PLSCR2: variants seen among roughly 807,000 people sequenced by gnomAD.
The protein encoded by PLSCR2 is PL scramblase 2.
In PLSCR2, 18 loss-of-function variants were observed where a neutral mutation model predicts 25.3. The observed-to-expected ratio is 0.71, with a 90% CI of 0.49 to 1.06. PLSCR2 has a LOEUF of 1.06. Among genes scored for constraint, PLSCR2 ranks in the 50% least tolerant of loss-of-function variants. The pLI is 0.00. For synonymous variants in PLSCR2, 88 were observed against 87.3 expected (o/e 1.01, Z -0.04); for missense variants, 243 against 269.5 (o/e 0.90, Z 0.69).
chr3:146,398,212 T>C (rs539083034), intron 2 of PLSCR2, among the ~76,000 whole-genome samples: 3 of 152,004 alleles, frequency 2.0e-5, no homozygotes, highest in South Asian at 4.2e-4. Flanking sequence ...ATTTCCCAAA[T>C]TATTATCTGG....
intron 1 of PLSCR2, among the ~76,000 whole-genome samples, chr3:146,483,493 A>ATATATATATATATATATACATG: frequency 8.4e-6 from 1 of 118,816 alleles, no homozygotes; most frequent in Non-Finnish European, 1.8e-5. Context: ...ATATATATAT[A>ATATATATATATATATATACATG]TATATATATA....
intron 1 of PLSCR2, among the ~76,000 whole-genome samples, chr3:146,490,643 G>T (rs761852003): frequency 1.3e-5 from 2 of 152,024 alleles, no homozygotes; most frequent in Non-Finnish European, 2.9e-5. Context: ...TTTACAGTCT[G>T]CTTGATCTGA....
chr3:146,426,893 T>G (rs111900727), intron 2 of PLSCR2, among the ~76,000 whole-genome samples: 1,869 of 152,264 alleles, frequency 0.012, 35 homozygotes, highest in African/African-American at 0.043. Flanking sequence ...AGTGTGTATC[T>G]TTATGGAAGA....
Position 146,444,869 on chromosome 3 carries a change from A to AG in PLSCR2, c.646-3049dup, listed in dbSNP as rs111716523. On this transcript the variant is annotated intron_variant, in intron 6 of 6. Coordinates refer to ENST00000610787, the Ensembl canonical transcript of PLSCR2. ...TCCTTCCTGTCATCCTTTTAGAGAA[A>AG]GGGATTTTCTCTGGTGGAGTGTTTT... Among the ~76,000 whole-genome samples, 308 of 151,824 alleles carry AG rather than the reference A, an allele frequency of 2.0e-3. 1 individual carries two copies. The highest frequency in any genetic ancestry group is 7.0e-3 in the African/African-American group (291 of 41,438).
At chr3:146,393,820 A>AAAAAC (rs2038181103) in intron 3 of PLSCR2, among the ~76,000 whole-genome samples, 1 of 151,750 alleles carries the variant, frequency 6.6e-6, no homozygotes, top group African/African-American at 2.4e-5. Context: ...AAAAAAAAAA[A>AAAAAC]AAAACTTCTA....
intron 2 of PLSCR2, among the ~76,000 whole-genome samples, chr3:146,404,195 C>G (rs1367082922): frequency 1.3e-5 from 2 of 152,140 alleles, no homozygotes; most frequent in African/African-American, 4.8e-5. Context: ...TAAGGGTGCA[C>G]CCTTCTCTAT....
At chr3:146,402,921 C>T (rs1414217094) in intron 2 of PLSCR2, among the ~76,000 whole-genome samples, 4 of 151,986 alleles carry the variant, frequency 2.6e-5, no homozygotes, top group Non-Finnish European at 5.9e-5. Context: ...GAGGACTAAT[C>T]GTGATTCATA....
intron 8 of PLSCR2, among the ~76,000 whole-genome samples, chr3:146,436,155 A>G (rs1376301684): frequency 1.3e-5 from 2 of 152,172 alleles, no homozygotes; most frequent in Non-Finnish European, 2.9e-5. Context: ...TACCAGTACC[A>G]TGCTGTTTTG....
intron 3 of PLSCR2, among the ~76,000 whole-genome samples, chr3:146,392,136 C>T (rs911917520): frequency 2.6e-5 from 4 of 152,102 alleles, no homozygotes; most frequent in Admixed American, 2.6e-4. Flanking sequence ...GCCTCATACT[C>T]ACACATTTTA....
chr3:146,495,717 A>G (rs1163697154), intron 1 of PLSCR2, among the ~76,000 whole-genome samples: 1 of 152,220 alleles, frequency 6.6e-6, no homozygotes, highest in African/African-American at 2.4e-5. Flanking sequence ...TAAGTCACCC[A>G]GTCTATGGTA....
intron 2 of PLSCR2, among the ~76,000 whole-genome samples, chr3:146,423,044 C>T (rs918524732): frequency 5.9e-5 from 9 of 151,838 alleles, no homozygotes; most frequent in East Asian, 1.9e-4. Context: ...ATTAGGATGT[C>T]GGCAGTGTGT....
intron 1 of PLSCR2, among the ~76,000 whole-genome samples, chr3:146,486,968 C>G (rs564334444): frequency 6.6e-6 from 1 of 152,060 alleles, no homozygotes; most frequent in Non-Finnish European, 1.5e-5. Flanking sequence ...TTATCCACCA[C>G]GATCAAGTCA....
At chr3:146,435,013 C>T (rs542969081) in intron 8 of PLSCR2, among the ~76,000 whole-genome samples, 3 of 148,754 alleles carry the variant, frequency 2.0e-5, no homozygotes, top group Non-Finnish European at 4.4e-5. Context: ...TGAGTGAGAA[C>T]ATGTGGTGTT....
At chr3:146,394,927 G>A (rs1277150949) in intron 3 of PLSCR2, among the ~76,000 whole-genome samples, 2 of 152,170 alleles carry the variant, frequency 1.3e-5, no homozygotes, top group Non-Finnish European at 2.9e-5. Context: ...GGCATGTCCC[G>A]TGCTTGTACT....
chr3:146,427,011 A>G (rs928271662), intron 2 of PLSCR2, among the ~76,000 whole-genome samples: 1 of 152,210 alleles, frequency 6.6e-6, no homozygotes, highest in Non-Finnish European at 1.5e-5. Context: ...CTTCACCCTC[A>G]ATTTATTTAA....
At chr3:146,483,487 A>ATATATATATATACATG (rs1316862450) in intron 1 of PLSCR2, among the ~76,000 whole-genome samples, 10 of 101,340 alleles carry the variant, frequency 9.9e-5, no homozygotes, top group African/African-American at 3.7e-4. Context: ...GTGTATATAT[A>ATATATATATATACATG]TATATATATA....
chr3:146,398,673 T>A (rs935950142), intron 2 of PLSCR2: 1 of 152,114 alleles, frequency 6.6e-6, no homozygotes, highest in African/African-American at 2.4e-5. Flanking sequence ...AAAATTTAGA[T>A]CCCCAAGACA....
intron 1 of PLSCR2, among the ~76,000 whole-genome samples, chr3:146,495,461 A>G (rs1016028388): frequency 3.3e-4 from 50 of 152,332 alleles, no homozygotes; most frequent in African/African-American, 1.2e-3. Context: ...TTAAAGTCCT[A>G]ACTCCCAGAG....
At chr3:146,495,558 C>G in intron 1 of PLSCR2, among the ~76,000 whole-genome samples, 1 of 151,744 alleles carries the variant, frequency 6.6e-6, no homozygotes, top group East Asian at 1.9e-4. Flanking sequence ...TAGAAATAGA[C>G]CCCAGAAAGA....
Sources: gnomAD v4.1 joint callset for allele counts (sites outside exome capture counted in the v4.1 genomes callset) on GRCh38, gnomAD v4.1.1 for gene constraint, MANE v1.5 for transcripts, NCBI Gene and HGNC (gene_info 2026-07-23, HGNC 2026-07-21) for gene names.